The following LUZP2 variants were observed in gnomAD, a reference collection of about 807,000 sequenced individuals.
The protein encoded by LUZP2 is leucine zipper protein 2.
LUZP2 carries 52 observed loss-of-function variants against 51.6 expected under a neutral mutation model. The ratio of observed to expected loss-of-function variants is 1.01; its 90% CI spans 0.81 to 1.27. The LOEUF (loss-of-function observed/expected upper bound fraction) is 1.27, where lower values mean the gene tolerates loss of function less well. LUZP2 is among the 50% of genes most tolerant of loss of function. LUZP2 has a pLI of 0.00. For missense variants in LUZP2, 436 were observed against 395.4 expected (o/e 1.10, Z -0.87); for synonymous variants, 154 against 137.3 (o/e 1.12, Z -0.85).
At chr11:24,661,156 AT>A (rs146160851) in intron 1 of LUZP2, among the ~76,000 whole-genome samples, 74 of 151,046 alleles carry the variant, frequency 4.9e-4, no homozygotes, top group African/African-American at 7.3e-4. Flanking sequence ...TTCTTTTTAC[AT>A]TTTTTTTTGA....
intron 1 of LUZP2, among the ~76,000 whole-genome samples, chr11:24,504,520 A>T (rs947427795): frequency 6.6e-6 from 1 of 152,180 alleles, no homozygotes; most frequent in Non-Finnish European, 1.5e-5. Context: ...AAAGTAAAAC[A>T]ATAATATCTA....
intron 5 of LUZP2, among the ~76,000 whole-genome samples, chr11:24,901,151 G>C (rs550652872): frequency 5.9e-5 from 9 of 152,166 alleles, no homozygotes; most frequent in Non-Finnish European, 4.4e-5. Context: ...TGGCAGTAGT[G>C]GCTGTCTACT....
chr11:24,736,590 C>T (rs573401200), intron 3 of LUZP2, among the ~76,000 whole-genome samples: 1 of 151,848 alleles, frequency 6.6e-6, no homozygotes, highest in African/African-American at 2.4e-5. Flanking sequence ...AATTTCACTA[C>T]CCCTCTATGC....
At chr11:24,936,660 G>T (rs1038785379) in intron 7 of LUZP2, among the ~76,000 whole-genome samples, 1 of 151,664 alleles carries the variant, frequency 6.6e-6, no homozygotes, top group Non-Finnish European at 1.5e-5. Flanking sequence ...TGTCTATAAA[G>T]TAATGTGTGT....
At chr11:24,857,481 C>T (rs1287761998) in intron 5 of LUZP2, among the ~76,000 whole-genome samples, 5 of 151,382 alleles carry the variant, frequency 3.3e-5, no homozygotes, top group African/African-American at 1.2e-4. Context: ...CACAGTGCCA[C>T]AATATTTTAG....
intron 1 of LUZP2, among the ~76,000 whole-genome samples, chr11:24,598,380 T>C (rs1162261428): frequency 6.6e-6 from 1 of 152,138 alleles, no homozygotes; most frequent in Non-Finnish European, 1.5e-5. Flanking sequence ...GAAACTTTTA[T>C]CTGTTGAAAC....
intron 5 of LUZP2, among the ~76,000 whole-genome samples, chr11:24,878,291 T>G (rs924013505): frequency 6.6e-6 from 1 of 152,108 alleles, no homozygotes; most frequent in African/African-American, 2.4e-5. Flanking sequence ...CCCTTCATAT[T>G]TGAAAGATAT....
chr11:24,975,002 C>T (rs1210561147), intron 7 of LUZP2, among the ~76,000 whole-genome samples: 1 of 151,936 alleles, frequency 6.6e-6, no homozygotes, highest in South Asian at 2.1e-4. Context: ...TCTAGAGATC[C>T]ACCAGCTTGC....
intron 10 of LUZP2, among the ~76,000 whole-genome samples, chr11:25,075,102 A>T (rs1423436202): frequency 6.6e-6 from 1 of 152,196 alleles, no homozygotes; most frequent in African/African-American, 2.4e-5. Context: ...TTATTAGAGC[A>T]AAACAGAGTG....
intron 5 of LUZP2, among the ~76,000 whole-genome samples, chr11:24,885,461 T>A (rs1473584819): frequency 6.6e-6 from 1 of 152,092 alleles, no homozygotes; most frequent in Non-Finnish European, 1.5e-5. Context: ...TTGAAAGTCA[T>A]AGAGATTATA....
At chr11:24,645,652 C>T (rs1855440100) in intron 1 of LUZP2, among the ~76,000 whole-genome samples, 1 of 152,100 alleles carries the variant, frequency 6.6e-6, no homozygotes, top group Non-Finnish European at 1.5e-5. Flanking sequence ...AACAATCTGC[C>T]AGTAATTTTT....
chr11:24,648,492 T>C (rs962148220), intron 1 of LUZP2, among the ~76,000 whole-genome samples: 1 of 151,988 alleles, frequency 6.6e-6, no homozygotes, highest in African/African-American at 2.4e-5. Flanking sequence ...TGTAAACATA[T>C]TTAACATCTT....
rs1312214073 is a variant in LUZP2, at chr11:24,742,084, T to C, written c.333+3782T>C. 7.8e-5 allele frequency among the ~76,000 whole-genome samples: 11 copies of C among 141,830 alleles called. 1 individual carries two copies. Among genetic ancestry groups the C allele is most frequent in the African/African-American group, 1.3e-4 (5 of 38,260 alleles). The allele number at this position is 141,830 out of a possible 152,430, so 93.0% of individuals were successfully genotyped here. On this transcript the variant is annotated intron_variant, in intron 4 of 11. Transcript: ENST00000336930. ...ATATATATATATATATATCACCATT[T>C]CTTTATCCACTTGTTGATTGATGGG...
chr11:24,515,714 A>C (rs1047381767), intron 1 of LUZP2, among the ~76,000 whole-genome samples: 2 of 152,172 alleles, frequency 1.3e-5, no homozygotes, highest in African/African-American at 4.8e-5. Flanking sequence ...TGCTAAAATA[A>C]AATAATAATA....
intron 10 of LUZP2, among the ~76,000 whole-genome samples, chr11:25,054,479 A>T (rs1858617268): frequency 6.6e-6 from 1 of 151,880 alleles, no homozygotes; most frequent in Admixed American, 6.6e-5. Context: ...ATATTCTTCA[A>T]TTTTTTGTGT....
chr11:24,841,877 T>C (rs1219659607), intron 5 of LUZP2, among the ~76,000 whole-genome samples: 1 of 152,054 alleles, frequency 6.6e-6, no homozygotes, highest in Non-Finnish European at 1.5e-5. Context: ...GCAGTGTCTC[T>C]GGATTACAAC....
intron 10 of LUZP2, among the ~76,000 whole-genome samples, chr11:25,066,053 A>G (rs1249200096): frequency 2.0e-5 from 3 of 151,978 alleles, no homozygotes; most frequent in Non-Finnish European, 2.9e-5. Flanking sequence ...TATACTAACC[A>G]TAAAAACCTT....
At chr11:24,796,972 G>C (rs1431202998) in intron 5 of LUZP2, among the ~76,000 whole-genome samples, 1 of 152,056 alleles carries the variant, frequency 6.6e-6, no homozygotes, top group Non-Finnish European at 1.5e-5. Flanking sequence ...GTGGACAGGG[G>C]TTCAGGCTTT....
chr11:24,921,007 G>A (rs1432054404), intron 7 of LUZP2, among the ~76,000 whole-genome samples: 1 of 151,886 alleles, frequency 6.6e-6, no homozygotes, highest in Non-Finnish European at 1.5e-5. Context: ...AAATAATACA[G>A]TAAAAATACA....
Sources: allele counts gnomAD v4.1 joint callset (sites outside exome capture counted in the v4.1 genomes callset), GRCh38; gene constraint gnomAD v4.1.1; transcripts MANE v1.5; gene names NCBI Gene and HGNC (gene_info 2026-07-23, HGNC 2026-07-21).